Variants in CSMD1 observed in about 807,000 individuals in gnomAD.
CSMD1 encodes CUB and Sushi multiple domains 1, also known as CUB and sushi domain-containing protein 1.
Under a neutral mutation model 417.5 loss-of-function variants are expected in CSMD1, and 213 were observed. The ratio of observed to expected loss-of-function variants is 0.51; its 90% CI spans 0.46 to 0.57. The LOEUF (loss-of-function observed/expected upper bound fraction) is 0.57. Ranked by LOEUF, CSMD1 falls within the 20% of genes least tolerant of loss-of-function variation. The probability of loss-of-function intolerance (pLI) is 0.00; values close to 1 mark genes in which losing one functional copy is unlikely to be tolerated. For missense variants in CSMD1, 6,923 were observed against 4,529.7 expected, an observed-to-expected ratio of 1.53 and a Z score of -15.17; for synonymous variants, 2,862 against 1,736.8, an observed-to-expected ratio of 1.65 and a Z score of -16.11.
At chr8:3,622,337 T>C (rs548621225) in intron 7 of CSMD1, among the ~76,000 whole-genome samples, 1 of 152,344 alleles carries the variant, frequency 6.6e-6, no homozygotes, top group African/African-American at 2.4e-5. Flanking sequence ...TTGATGTTTG[T>C]CAGAAATAAT....
intron 51 of CSMD1, among the ~76,000 whole-genome samples, chr8:3,028,941 G>C (rs1481934083): frequency 6.6e-6 from 1 of 152,116 alleles, no homozygotes; most frequent in African/African-American, 2.4e-5. Flanking sequence ...CTTTATTTGA[G>C]AACACAATAT....
chr8:4,560,034 G>A (rs567820032), intron 2 of CSMD1, among the ~76,000 whole-genome samples: 1 of 152,190 alleles, frequency 6.6e-6, no homozygotes, highest in South Asian at 2.1e-4. Context: ...TTGACAGACA[G>A]CCTCCACCTG....
At chr8:3,267,885 T>A (rs1427234734) in intron 26 of CSMD1, among the ~76,000 whole-genome samples, 1 of 151,558 alleles carries the variant, frequency 6.6e-6, no homozygotes, top group Non-Finnish European at 1.5e-5. Flanking sequence ...CTGCATAGAG[T>A]CCTAACTCAC....
chr8:4,204,799 C>G lies in CSMD1; in HGVS notation c.416-172700G>C, dbSNP rs954027955. 4.6e-5 allele frequency among the ~76,000 whole-genome samples: 7 copies of G among 151,834 alleles called. No homozygotes were observed. The East Asian group carries it at 1.4e-3, about 30-fold the overall frequency. On this transcript the variant is annotated intron_variant, in intron 3 of 69. Coordinates refer to ENST00000635120, the MANE Select transcript of CSMD1 (RefSeq NM_033225.6). ...CCTCCTGAGTAGCTGAGACCACAGG[C>G]ACAGGTCAGCACACACAGCTAACTT...
At chr8:4,397,041 TAAAG>T (rs145161633) in intron 3 of CSMD1, among the ~76,000 whole-genome samples, 20,429 of 151,382 alleles carry the variant, frequency 0.13, 1,673 homozygotes, top group Admixed American at 0.24. Flanking sequence ...AAAAAAAAAA[TAAAG>T]AAAAATTATT....
chr8:3,081,132 T>C (rs761164848), intron 49 of CSMD1, among the ~76,000 whole-genome samples: 1 of 152,210 alleles, frequency 6.6e-6, no homozygotes, highest in Admixed American at 6.5e-5. Flanking sequence ...ACATGGTTTA[T>C]AAGATTGGTA....
intron 10 of CSMD1, among the ~76,000 whole-genome samples, chr8:3,529,101 G>C (rs1797873076): frequency 6.6e-6 from 1 of 152,136 alleles, no homozygotes; most frequent in African/African-American, 2.4e-5. Flanking sequence ...CGACTTCTTT[G>C]AAAAGTGAAC....
intron 1 of CSMD1, among the ~76,000 whole-genome samples, chr8:4,929,026 G>T (rs1453996373): frequency 6.6e-6 from 1 of 152,124 alleles, no homozygotes; most frequent in African/African-American, 2.4e-5. Context: ...AGCCGAGATT[G>T]CACCACTGCA....
At chr8:3,513,127 A>T (rs75625237) in intron 10 of CSMD1, among the ~76,000 whole-genome samples, 53,168 of 150,740 alleles carry the variant, frequency 0.35, 11,489 homozygotes, top group African/African-American at 0.6. Context: ...TATTATTATT[A>T]TTTTTTTTTA....
chr8:3,682,723 T>C (rs982572513), intron 7 of CSMD1, among the ~76,000 whole-genome samples: 4 of 152,156 alleles, frequency 2.6e-5, no homozygotes, highest in South Asian at 2.1e-4. Flanking sequence ...AATCATGCTG[T>C]TATAAAGACA....
intron 5 of CSMD1, among the ~76,000 whole-genome samples, chr8:3,845,167 G>C (rs1420955143): frequency 1.3e-5 from 2 of 152,198 alleles, no homozygotes; most frequent in Non-Finnish European, 2.9e-5. Context: ...CAGTTTATGG[G>C]AATTAGAAAA....
At chr8:4,793,010 C>G (rs1797776727) in intron 1 of CSMD1, among the ~76,000 whole-genome samples, 1 of 149,492 alleles carries the variant, frequency 6.7e-6, no homozygotes, top group Non-Finnish European at 1.5e-5. Flanking sequence ...ATATATATCT[C>G]CACACACATA....
chr8:4,116,533 G>C (rs1474869200), intron 3 of CSMD1, among the ~76,000 whole-genome samples: 2 of 72,716 alleles, frequency 2.8e-5, no homozygotes. Flanking sequence ...GCAGGTACCT[G>C]GATGGAACAA....
intron 5 of CSMD1, among the ~76,000 whole-genome samples, chr8:3,866,631 T>G (rs958333442): frequency 6.6e-6 from 1 of 151,836 alleles, no homozygotes; most frequent in African/African-American, 2.4e-5. Context: ...CCAAAGTCAC[T>G]ATTTGGAATG....
chr8:3,905,564 G>A (rs1268084513), intron 5 of CSMD1, among the ~76,000 whole-genome samples: 2 of 152,222 alleles, frequency 1.3e-5, no homozygotes, highest in African/African-American at 4.8e-5. Flanking sequence ...GGGAGGGCTT[G>A]TGCAAACACA....
intron 47 of CSMD1, 58 bp from the exon 48 acceptor site, chr8:3,091,720 T>G (rs1814962272): frequency 6.7e-7 from 1 of 1,501,066 alleles, no homozygotes; most frequent in East Asian, 2.4e-5. Context: ...ACCAAATGCA[T>G]ACTAGGTTTA....
intron 10 of CSMD1, among the ~76,000 whole-genome samples, chr8:3,551,596 A>ATATATATAT (rs1261877187): frequency 8.5e-4 from 96 of 113,422 alleles, no homozygotes; most frequent in African/African-American, 3.2e-3. Context: ...ATATATATAT[A>ATATATATAT]TTTTTTTTTT....
chr8:4,438,776 A>C (rs1261942588), intron 2 of CSMD1, among the ~76,000 whole-genome samples: 1 of 152,234 alleles, frequency 6.6e-6, no homozygotes, highest in African/African-American at 2.4e-5. Flanking sequence ...GCCCTGAATC[A>C]CAAGTGCTTG....
intron 3 of CSMD1, among the ~76,000 whole-genome samples, chr8:4,298,840 T>A (rs1053600950): frequency 9.2e-5 from 14 of 152,022 alleles, no homozygotes; most frequent in Non-Finnish European, 1.8e-4. Context: ...TAATAAAAAA[T>A]TATTTCTGGA....
Sources: gnomAD v4.1 joint callset for allele counts (sites outside exome capture counted in the v4.1 genomes callset) on GRCh38, gnomAD v4.1.1 for gene constraint, MANE v1.5 for transcripts, NCBI Gene and HGNC (gene_info 2026-07-23, HGNC 2026-07-21) for gene names.